Variants in IL1RAPL1 observed in about 807,000 individuals in gnomAD.
IL1RAPL1 encodes interleukin-1 receptor accessory protein-like 1.
IL1RAPL1 carries 3 observed loss-of-function variants against 48.4 expected under a neutral mutation model. That is an observed-to-expected ratio of 0.06 (90% CI 0.03 to 0.16). The LOEUF (loss-of-function observed/expected upper bound fraction) is 0.16, where lower values mean the gene tolerates loss of function less well. IL1RAPL1 is among the 10% of genes least tolerant of loss of function. The pLI is 1.00. For missense variants in IL1RAPL1, 349 were observed against 530.6 expected, an observed-to-expected ratio of 0.66 and a Z score of 3.36; for synonymous variants, 185 against 187.7, an observed-to-expected ratio of 0.99 and a Z score of 0.12.
chrX:29,585,799 G>A (rs1923135990), intron 5 of IL1RAPL1, among the ~76,000 whole-genome samples: 1 of 111,753 alleles, frequency 8.9e-6, no homozygotes, highest in South Asian at 3.7e-4. Context: ...CATACCTGTT[G>A]GCCATTTGTA....
intron 5 of IL1RAPL1, among the ~76,000 whole-genome samples, chrX:29,440,150 A>G (rs1934531931): frequency 1.8e-5 from 2 of 110,096 alleles, no homozygotes; most frequent in Admixed American, 2.0e-4. Context: ...TAAATGATAT[A>G]TGTCCAGGGT....
intron 2 of IL1RAPL1, among the ~76,000 whole-genome samples, chrX:28,955,662 A>G (rs1924588246): frequency 9.2e-6 from 1 of 108,171 alleles, no homozygotes; most frequent in South Asian, 4.1e-4. Flanking sequence ...TACCAGTAAC[A>G]TGCTGTTTTG....
chrX:29,721,576 A>G (rs1337954155), intron 6 of IL1RAPL1, among the ~76,000 whole-genome samples: 1 of 112,104 alleles, frequency 8.9e-6, no homozygotes, highest in Non-Finnish European at 1.9e-5. Context: ...AAGAGCAACA[A>G]TGGACACCTC....
At chrX:28,897,670 C>A (rs767090661) in intron 2 of IL1RAPL1, among the ~76,000 whole-genome samples, 1 of 111,948 alleles carries the variant, frequency 8.9e-6, no homozygotes, top group South Asian at 3.8e-4. Context: ...ATTGATCTCC[C>A]AAGGGAGTTC....
chrX:28,723,560 A>AT (rs1311463175), intron 1 of IL1RAPL1, among the ~76,000 whole-genome samples: 3 of 111,190 alleles, frequency 2.7e-5, no homozygotes, highest in African/African-American at 9.8e-5. Flanking sequence ...GGATTCATTG[A>AT]TTTTTTGAAG....
chrX:28,720,949 A>G (rs1443261761), intron 1 of IL1RAPL1, among the ~76,000 whole-genome samples: 3 of 112,130 alleles, frequency 2.7e-5, no homozygotes, highest in Non-Finnish European at 5.6e-5. Flanking sequence ...GCTGCATTAT[A>G]TTCCATGGTG....
In IL1RAPL1 at chrX:29,614,199, A is replaced by T. The variant is rs987437500; in HGVS notation, c.704-54231A>T. The stretch of plus-strand genomic sequence containing the variant: ...TAATTACATCCGCTGACAAATGCAT[A>T]TATAGTGCCAATGTCATACTTGCCT... On this transcript the variant is annotated intron_variant, in intron 5 of 10. Transcript: ENST00000378993. Among the ~76,000 whole-genome samples the T allele has an allele frequency of 2.7e-5, 3 of 111,703 alleles. No individual in the cohort carries two copies. In the East Asian group the frequency reaches 8.5e-4, roughly 32 times the overall value.
intron 1 of IL1RAPL1, among the ~76,000 whole-genome samples, chrX:28,677,415 C>T (rs924724116): frequency 2.7e-5 from 3 of 111,904 alleles, no homozygotes; most frequent in Admixed American, 9.5e-5. Flanking sequence ...ATTATAATGA[C>T]TGTGTAGCAG....
At chrX:28,774,016 G>A (rs1302259968) in intron 1 of IL1RAPL1, among the ~76,000 whole-genome samples, 1 of 111,990 alleles carries the variant, frequency 8.9e-6, no homozygotes, top group Admixed American at 9.5e-5. Context: ...ATTTGACCCA[G>A]TTGACCACAA....
intron 5 of IL1RAPL1, among the ~76,000 whole-genome samples, chrX:29,641,001 TA>T (rs57102687): frequency 0.098 from 10,123 of 103,400 alleles, 1,271 homozygotes; most frequent in African/African-American, 0.33. Context: ...CCCCATCTCT[TA>T]AAAAAAAAAA....
chrX:29,089,749 A>AATATATATATATATATATATATATATAT (rs1159198583), intron 2 of IL1RAPL1, among the ~76,000 whole-genome samples: 3 of 16,976 alleles, frequency 1.8e-4, no homozygotes, highest in Non-Finnish European at 1.9e-4. Context: ...GAGAAATATG[A>AATATATATATATATATATATATATATAT]ATATATATAT....
At chrX:28,968,251 T>G (rs1924969803) in intron 2 of IL1RAPL1, among the ~76,000 whole-genome samples, 1 of 111,690 alleles carries the variant, frequency 9.0e-6, no homozygotes, top group Admixed American at 9.6e-5. Flanking sequence ...CCGTAGCCAT[T>G]AGTTAATTAT....
At chrX:29,228,184 A>G (rs1418786203) in intron 2 of IL1RAPL1, among the ~76,000 whole-genome samples, 2 of 16,517 alleles carry the variant, frequency 1.2e-4, no homozygotes, top group Admixed American at 5.1e-4. Context: ...GCGTGCACAC[A>G]CACACACACA....
intron 2 of IL1RAPL1, among the ~76,000 whole-genome samples, chrX:29,037,819 T>TGTTC (rs1207905135): frequency 3.6e-5 from 4 of 111,887 alleles, no homozygotes; most frequent in African/African-American, 1.3e-4. Flanking sequence ...CAGTGACCCC[T>TGTTC]GTTCTCATTG....
intron 6 of IL1RAPL1, among the ~76,000 whole-genome samples, chrX:29,686,584 G>C (rs767347032): frequency 4.9e-5 from 5 of 102,135 alleles, no homozygotes; most frequent in African/African-American, 1.8e-4. Flanking sequence ...TAGAGACTGA[G>C]TCTCGCTCTG....
chrX:29,100,509 A>G (rs1173522570), intron 2 of IL1RAPL1, among the ~76,000 whole-genome samples: 1 of 111,790 alleles, frequency 8.9e-6, no homozygotes, highest in Admixed American at 9.5e-5. Context: ...AGTTGTTATG[A>G]AAGTCTACTC....
chrX:29,429,923 G>GTGTGTC (rs1934398926), intron 5 of IL1RAPL1, among the ~76,000 whole-genome samples: 1 of 106,774 alleles, frequency 9.4e-6, no homozygotes, highest in East Asian at 2.9e-4. Context: ...GTGTGTGTGT[G>GTGTGTC]TGTATTTTTT....
At chrX:29,059,099 G>C (rs1212566524) in intron 2 of IL1RAPL1, among the ~76,000 whole-genome samples, 2 of 112,030 alleles carry the variant, frequency 1.8e-5, no homozygotes, top group Non-Finnish European at 3.8e-5. Context: ...CAACTCGGTG[G>C]TGGAAGGCTG....
chrX:28,790,917 T>G (rs1936531499), intron 2 of IL1RAPL1, among the ~76,000 whole-genome samples: 1 of 111,898 alleles, frequency 8.9e-6, no homozygotes. Flanking sequence ...TGATGTTTTC[T>G]GGAATAGAAA....
Sources: allele counts gnomAD v4.1 joint callset (sites outside exome capture counted in the v4.1 genomes callset), GRCh38; gene constraint gnomAD v4.1.1; transcripts MANE v1.5; gene names NCBI Gene and HGNC (gene_info 2026-07-23, HGNC 2026-07-21).